CACNG2: variants seen among roughly 807,000 people sequenced by gnomAD.
CACNG2 encodes the protein voltage-dependent calcium channel gamma-2 subunit.
CACNG2 carries 3 observed loss-of-function variants against 25.9 expected under a neutral mutation model. The observed-to-expected ratio is 0.12, with a 90% confidence interval of 0.05 to 0.30. CACNG2 has a LOEUF of 0.30. Ranked by LOEUF, CACNG2 falls within the 10% of genes least tolerant of loss-of-function variation. The pLI is 1.00. For missense variants in CACNG2, 341 were observed against 432.5 expected (o/e 0.79, Z 1.88); for synonymous variants, 167 against 173.3 (o/e 0.96, Z 0.29).
chr22:36,590,018 G>A (rs1226955440), intron 1 of CACNG2, among the ~76,000 whole-genome samples: 1 of 152,182 alleles, frequency 6.6e-6, no homozygotes, highest in Non-Finnish European at 1.5e-5. Context: ...GCAGGAGTGA[G>A]GCTCAGAGAG....
At chr22:36,661,447 G>T (rs545067933) in intron 1 of CACNG2, among the ~76,000 whole-genome samples, 14 of 152,166 alleles carry the variant, frequency 9.2e-5, no homozygotes, top group Non-Finnish European at 1.9e-4. Flanking sequence ...ATGCTTATGG[G>T]AATGGGATGT....
chr22:36,682,789 T>C (rs555762332), intron 1 of CACNG2, among the ~76,000 whole-genome samples: 9 of 152,318 alleles, frequency 5.9e-5, no homozygotes, highest in African/African-American at 7.2e-5. Context: ...TGATGCTCAA[T>C]CATACAGTTA....
intron 1 of CACNG2, among the ~76,000 whole-genome samples, chr22:36,651,778 C>T (rs1936619726): frequency 6.6e-6 from 1 of 152,148 alleles, no homozygotes; most frequent in African/African-American, 2.4e-5. Context: ...ACAAATGAGT[C>T]CTCCAAGTTA....
intron 1 of CACNG2, among the ~76,000 whole-genome samples, chr22:36,669,730 T>C (rs780970943): frequency 7.2e-5 from 11 of 152,112 alleles, no homozygotes; most frequent in Non-Finnish European, 1.5e-4. Context: ...TCTTTCTTTT[T>C]GAGACAGGGT....
chr22:36,665,962 C>T (rs1157536639), intron 1 of CACNG2, among the ~76,000 whole-genome samples: 3 of 152,192 alleles, frequency 2.0e-5, no homozygotes, highest in Admixed American at 2.0e-4. Flanking sequence ...AACCCAATAG[C>T]AACCCGTGTC....
At chr22:36,589,575 T>C (rs1019715506) in intron 1 of CACNG2, among the ~76,000 whole-genome samples, 4 of 152,204 alleles carry the variant, frequency 2.6e-5, no homozygotes, top group African/African-American at 9.7e-5. Flanking sequence ...CCAAATTCAC[T>C]AACTTTCTTG....
intron 1 of CACNG2, among the ~76,000 whole-genome samples, chr22:36,602,286 T>C (rs1365303524): frequency 6.6e-6 from 1 of 152,160 alleles, no homozygotes; most frequent in Non-Finnish European, 1.5e-5. Flanking sequence ...TAATATATGG[T>C]TTGCAAATGT....
intron 1 of CACNG2, among the ~76,000 whole-genome samples, chr22:36,658,088 T>C (rs2145981103): frequency 6.6e-6 from 1 of 152,266 alleles, no homozygotes; most frequent in East Asian, 1.9e-4. Context: ...TTACAGCAGG[T>C]ACTGGTTTGC....
At chr22:36,698,740 G>C (rs1385324137) in intron 1 of CACNG2, among the ~76,000 whole-genome samples, 1 of 152,170 alleles carries the variant, frequency 6.6e-6, no homozygotes, top group Admixed American at 6.5e-5. Flanking sequence ...TAAGATTTCT[G>C]TTCTGCCTCA....
At chr22:36,618,793 G>A (rs926695153) in intron 1 of CACNG2, among the ~76,000 whole-genome samples, 1 of 152,096 alleles carries the variant, frequency 6.6e-6, no homozygotes, top group Non-Finnish European at 1.5e-5. Context: ...GGTGGTGTGT[G>A]CCTATAGTCC....
chr22:36,696,188 A>T (rs912800478), intron 1 of CACNG2, among the ~76,000 whole-genome samples: 5 of 151,958 alleles, frequency 3.3e-5, no homozygotes, highest in Non-Finnish European at 7.4e-5. Flanking sequence ...TGTGGCCAGG[A>T]TCTATTTAGA....
chr22:36,575,741 C>A (rs763407795), intron 2 of CACNG2, among the ~76,000 whole-genome samples: 2 of 152,200 alleles, frequency 1.3e-5, no homozygotes, highest in Non-Finnish European at 2.9e-5. Context: ...TACAGCCAGG[C>A]CATGCTGCTG....
chr22:36,613,626 A>C (rs540192512), intron 1 of CACNG2, among the ~76,000 whole-genome samples: 1 of 151,704 alleles, frequency 6.6e-6, no homozygotes, highest in Admixed American at 6.6e-5. Flanking sequence ...TTCATTCTAC[A>C]TATGTTCCTC....
intron 1 of CACNG2, among the ~76,000 whole-genome samples, chr22:36,611,847 G>A (rs537387481): frequency 7.4e-4 from 112 of 152,268 alleles, no homozygotes; most frequent in African/African-American, 2.6e-3. Context: ...GCCGTCTCGG[G>A]GACAAGGGAG....
intron 1 of CACNG2, among the ~76,000 whole-genome samples, chr22:36,626,793 A>C (rs189295081): frequency 1.1e-3 from 161 of 152,342 alleles, no homozygotes; most frequent in African/African-American, 3.7e-3. Context: ...ACATAGGGAG[A>C]TCTTGGCCTC....
At position 36,564,347 on chromosome 22, in the gene CACNG2, G is replaced by A; in HGVS notation, c.*4C>T. The A allele has an allele frequency of 6.2e-7, 1 of 1,612,526 alleles. No individual in the cohort carries two copies. On this transcript the variant is annotated 3_prime_UTR_variant, in exon 4 of 4. Coordinates refer to ENST00000300105, the MANE Select transcript of CACNG2 (RefSeq NM_006078.5). This position sits in a 1 kb window ranked among gnomAD's most constrained non-coding sequence, Gnocchi z 6.7. ...CCGCGGTCTTCTGGCGAGGCCCGCG[G>A]TCTTTATACGGGGGTGGTCCGGCGG...
At chr22:36,646,950 G>A (rs1306379635) in intron 1 of CACNG2, among the ~76,000 whole-genome samples, 3 of 151,872 alleles carry the variant, frequency 2.0e-5, no homozygotes, top group Non-Finnish European at 1.5e-5. Context: ...TGATCACAGG[G>A]GCAGGCATTG....
At chr22:36,650,574 A>T (rs1019673099) in intron 1 of CACNG2, among the ~76,000 whole-genome samples, 10 of 152,022 alleles carry the variant, frequency 6.6e-5, no homozygotes, top group African/African-American at 2.4e-4. Context: ...TGGGGGTCTC[A>T]CTGTGTTGCC....
intron 1 of CACNG2, among the ~76,000 whole-genome samples, chr22:36,635,275 C>T (rs1357443025): frequency 4.1e-5 from 6 of 146,188 alleles, no homozygotes; most frequent in Admixed American, 1.3e-4. Context: ...CAGAGCGAGA[C>T]CCCGTCTCAA....
Sources: allele counts gnomAD v4.1 joint callset (sites outside exome capture counted in the v4.1 genomes callset), GRCh38; gene constraint gnomAD v4.1.1; non-coding constraint Gnocchi (gnomAD v3.1); transcripts MANE v1.5; gene names NCBI Gene and HGNC (gene_info 2026-07-23, HGNC 2026-07-21).